The following MCUB variants were observed in gnomAD, a reference collection of about 807,000 sequenced individuals.
MCUB encodes the protein calcium uniporter regulatory subunit MCUb, mitochondrial.
A neutral mutation model predicts 41.4 loss-of-function variants in MCUB; 46 were observed. The observed-to-expected ratio is 1.11, with a 90% CI of 0.88 to 1.42. The LOEUF (loss-of-function observed/expected upper bound fraction) is 1.42. Among genes scored for constraint, MCUB ranks in the 40% most tolerant of loss-of-function variants. The pLI is 0.00. For missense variants in MCUB, 403 were observed against 404.9 expected (o/e 1.00, Z 0.04); for synonymous variants, 148 against 148.2 (o/e 1.00, Z 0.01).
chr4:109,682,337 T>A (rs1729736792), intron 4 of MCUB, among the ~76,000 whole-genome samples: 2 of 150,946 alleles, frequency 1.3e-5, no homozygotes, highest in African/African-American at 4.9e-5. Context: ...TTTTTTTTTT[T>A]ACCTTGTATA....
rs182555792 is a variant in MCUB at position 109,641,209 on chromosome 4, C to T, written c.100-17802C>T. 7.0e-3 allele frequency among the ~76,000 whole-genome samples: 1,068 copies of T among 151,970 alleles called. 7 individuals carry two copies. Among genetic ancestry groups the T allele is most frequent in the African/African-American group, 0.025 (1,031 of 41,442 alleles). On this transcript the variant is annotated intron_variant, in intron 1 of 7. Transcript: ENST00000394650. ...CCGGGTTCACGCCATTCTCCTGCCT[C>T]AGCCTCCTGAGTAGCTGGGACTATG... is the stretch of plus-strand genomic sequence containing the variant.
chr4:109,579,897 A>T (rs923872138), intron 1 of MCUB, among the ~76,000 whole-genome samples: 1 of 152,224 alleles, frequency 6.6e-6, no homozygotes, highest in African/African-American at 2.4e-5. Context: ...TTATTTTTTT[A>T]TTATACTTTA....
intron 1 of MCUB, among the ~76,000 whole-genome samples, chr4:109,634,465 A>G (rs768388838): frequency 3.0e-4 from 45 of 148,724 alleles, no homozygotes; most frequent in Non-Finnish European, 5.5e-4. Context: ...CCTGGGCAAC[A>G]AGAGCGAAAC....
intron 1 of MCUB, among the ~76,000 whole-genome samples, chr4:109,642,191 T>G (rs1226087704): frequency 6.6e-6 from 1 of 152,204 alleles, no homozygotes; most frequent in African/African-American, 2.4e-5. Context: ...AAGCAAATAT[T>G]ATGAACCAAG....
chr4:109,649,446 A>C (rs1728911466), intron 1 of MCUB, among the ~76,000 whole-genome samples: 1 of 152,064 alleles, frequency 6.6e-6, no homozygotes, highest in African/African-American at 2.4e-5. Context: ...TTTTTCCTGC[A>C]AAATGCTTTC....
rs72674835 is a variant in MCUB at position 109,653,092 on chromosome 4, T to G, written c.100-5919T>G. Among the ~76,000 whole-genome samples the G allele has an allele frequency of 2.0e-5, 3 of 152,150 alleles. No individual in the cohort carries two copies. In the East Asian group the frequency reaches 5.8e-4, roughly 29 times the overall value. On this transcript the variant is annotated intron_variant, in intron 1 of 7. Transcript: ENST00000394650. ...GTATATTTAACTTTATAAAGAACGG[T>G]CAGGCTGGGTGTGGTGGCTCACGCC...
chr4:109,568,918 C>G (rs1357654439), intron 1 of MCUB, among the ~76,000 whole-genome samples: 2 of 152,208 alleles, frequency 1.3e-5, no homozygotes, highest in African/African-American at 2.4e-5. Context: ...TCGCAATTTC[C>G]TCTTCTCCAC....
chr4:109,650,459 A>G (rs1294524838), intron 1 of MCUB, among the ~76,000 whole-genome samples: 1 of 152,118 alleles, frequency 6.6e-6, no homozygotes, highest in African/African-American at 2.4e-5. Context: ...TTGTAAACCT[A>G]TTGTTTTTGA....
intron 1 of MCUB, among the ~76,000 whole-genome samples, chr4:109,573,090 T>C (rs1189655713): frequency 1.3e-5 from 2 of 152,182 alleles, no homozygotes; most frequent in African/African-American, 4.8e-5. Context: ...TGGAGTCTTA[T>C]TATTCTCATC....
chr4:109,622,904 A>G (rs1372429408), intron 1 of MCUB, among the ~76,000 whole-genome samples: 1 of 152,210 alleles, frequency 6.6e-6, no homozygotes, highest in Non-Finnish European at 1.5e-5. Flanking sequence ...CGCATCATGC[A>G]GGTCAACAAC....
At chr4:109,607,444 C>T (rs1561225749) in intron 1 of MCUB, among the ~76,000 whole-genome samples, 1 of 152,172 alleles carries the variant, frequency 6.6e-6, no homozygotes, top group Admixed American at 6.5e-5. Flanking sequence ...TCTCAAACTC[C>T]TGACCCCAGG....
intron 1 of MCUB, among the ~76,000 whole-genome samples, chr4:109,614,069 T>G (rs1022957096): frequency 6.6e-6 from 1 of 152,214 alleles, no homozygotes; most frequent in East Asian, 1.9e-4. Flanking sequence ...GTTAGAGGAC[T>G]GTATTTGAAA....
At chr4:109,577,060 C>T (rs1727047274) in intron 1 of MCUB, among the ~76,000 whole-genome samples, 1 of 152,172 alleles carries the variant, frequency 6.6e-6, no homozygotes, top group Admixed American at 6.5e-5. Context: ...CCATGTGGGC[C>T]AGGCTGGTCT....
chr4:109,612,887 A>G lies in MCUB; in HGVS notation c.100-46124A>G, dbSNP rs372248942. ...TTTGGGAGGCCAAGGCGGGCGGATC[A>G]CAAGGTCAGGAGATCAAGACCATCC... On this transcript the variant is annotated intron_variant, in intron 1 of 7. Transcript: ENST00000394650. 9.2e-5 allele frequency among the ~76,000 whole-genome samples: 14 copies of G among 152,266 alleles called. No individual in the cohort carries two copies. The South Asian group carries it at 2.7e-3, about 29-fold the overall frequency.
At chr4:109,569,466 G>A (rs114706891) in intron 1 of MCUB, among the ~76,000 whole-genome samples, 1,650 of 148,178 alleles carry the variant, frequency 0.011, 27 homozygotes, top group African/African-American at 0.038. Flanking sequence ...TGGAAGGACT[G>A]CCTGGCATAT....
Position 109,665,138 on chromosome 4 carries a change from G to A in MCUB, c.451+744G>A, listed in dbSNP as rs140406608. Among the ~76,000 whole-genome samples the A allele has an allele frequency of 3.7e-3, 570 of 152,164 alleles. 17 individuals are homozygous for A. The South Asian group carries it at 0.06, about 16-fold the overall frequency. ...CACCCAAAGTCCATAGTTTACATTA[G>A]GGTTTACTCTTGGTGTTGTATATTC... On this transcript the variant is annotated intron_variant, in intron 4 of 7. Coordinates refer to ENST00000394650, the MANE Select transcript of MCUB (RefSeq NM_017918.5).
chr4:109,582,382 T>C (rs1184741648), intron 1 of MCUB, among the ~76,000 whole-genome samples: 1 of 59,996 alleles, frequency 1.7e-5, no homozygotes, highest in African/African-American at 7.0e-5. Context: ...TGTTGTGGGG[T>C]GGGGGGAGGG....
Position 109,606,551 on chromosome 4 carries a change from C to T in MCUB, c.99+46115C>T, listed in dbSNP as rs150402920. Among the ~76,000 whole-genome samples, 1,221 of 151,672 alleles carry T rather than the reference C, an allele frequency of 8.1e-3. 9 individuals are homozygous for T. Among genetic ancestry groups the T allele is most frequent in the South Asian group, 0.02 (94 of 4,788 alleles). ...GTGTATTTTTTTTATTTGAGTTTAC[C>T]ATGAGGCTTGCAAATACTATCTTAT... On this transcript the variant is annotated intron_variant, in intron 1 of 7. Coordinates refer to ENST00000394650, the MANE Select transcript of MCUB (RefSeq NM_017918.5).
At chr4:109,592,641 G>A (rs979181080) in intron 1 of MCUB, among the ~76,000 whole-genome samples, 1 of 152,120 alleles carries the variant, frequency 6.6e-6, no homozygotes, top group African/African-American at 2.4e-5. Context: ...AGAATACACA[G>A]AAAGTAGTAG....
Sources: allele counts gnomAD v4.1 joint callset (sites outside exome capture counted in the v4.1 genomes callset), GRCh38; gene constraint gnomAD v4.1.1; transcripts MANE v1.5; gene names NCBI Gene and HGNC (gene_info 2026-07-23, HGNC 2026-07-21).